Variants in SLC49A4 observed in about 807,000 individuals in gnomAD.
The protein encoded by SLC49A4 is disrupted in renal cancer protein 2.
Under a neutral mutation model 50.6 loss-of-function variants are expected in SLC49A4, and 36 were observed. The ratio of observed to expected loss-of-function variants is 0.71; its 90% CI spans 0.55 to 0.94. The LOEUF is 0.94. Among genes scored for constraint, SLC49A4 ranks in the 40% least tolerant of loss-of-function variants. The pLI is 0.00. For missense variants in SLC49A4, 503 were observed against 605.7 expected (o/e 0.83, Z 1.78); for synonymous variants, 248 against 241.2 (o/e 1.03, Z -0.26).
At chr3:122,804,090 G>A (rs1936174731) in intron 1 of SLC49A4, among the ~76,000 whole-genome samples, 4 of 152,102 alleles carry the variant, frequency 2.6e-5, no homozygotes, top group Admixed American at 2.0e-4. Context: ...ATGGTTCTGC[G>A]GGTTTTACAG....
At chr3:122,863,982 A>G (rs1937085773) in intron 7 of SLC49A4, among the ~76,000 whole-genome samples, 1 of 152,030 alleles carries the variant, frequency 6.6e-6, no homozygotes, top group Non-Finnish European at 1.5e-5. Context: ...TCCATTTCCC[A>G]GGTTCAAGTG....
chr3:122,813,240 CAAAA>C (rs71621692), intron 2 of SLC49A4, among the ~76,000 whole-genome samples: 1 of 85,264 alleles, frequency 1.2e-5, no homozygotes. Context: ...GACTCTGTCT[CAAAA>C]AAAAAAAAAA....
chr3:122,875,682 A>C (rs1298656348), intron 8 of SLC49A4, among the ~76,000 whole-genome samples: 1 of 152,090 alleles, frequency 6.6e-6, no homozygotes, highest in Admixed American at 6.5e-5. Context: ...CATCATAAAG[A>C]TCTGTGGTTT....
chr3:122,805,990 G>T (rs1468300249), intron 1 of SLC49A4, among the ~76,000 whole-genome samples: 1 of 152,110 alleles, frequency 6.6e-6, no homozygotes, highest in Non-Finnish European at 1.5e-5. Context: ...AATAAAGACT[G>T]TGATTATATT....
chr3:122,798,471 A>C (rs1237856538), intron 1 of SLC49A4, among the ~76,000 whole-genome samples: 1 of 152,028 alleles, frequency 6.6e-6, no homozygotes, highest in Admixed American at 6.6e-5. Flanking sequence ...TGAAGCAATA[A>C]AAAATACATT....
At chr3:122,835,154 C>A (rs548096593) in intron 4 of SLC49A4, among the ~76,000 whole-genome samples, 4 of 152,226 alleles carry the variant, frequency 2.6e-5, no homozygotes, top group African/African-American at 9.6e-5. Context: ...TATACCAATC[C>A]TACTGAAACT....
At chr3:122,835,874 A>G (rs1199518101) in intron 4 of SLC49A4, among the ~76,000 whole-genome samples, 2 of 152,064 alleles carry the variant, frequency 1.3e-5, no homozygotes, top group African/African-American at 4.8e-5. Context: ...CTTCCAAAAG[A>G]CTCCTAGATT....
intron 7 of SLC49A4, among the ~76,000 whole-genome samples, chr3:122,860,816 AAAC>A (rs1263024223): frequency 2.0e-5 from 3 of 152,094 alleles, no homozygotes; most frequent in African/African-American, 7.2e-5. Flanking sequence ...TAGCAACTTA[AAAC>A]AACAGAAATT....
intron 5 of SLC49A4, among the ~76,000 whole-genome samples, chr3:122,855,294 C>T (rs559224033): frequency 3.2e-4 from 48 of 151,978 alleles, no homozygotes; most frequent in African/African-American, 1.1e-3. Context: ...AAATAGATTG[C>T]GAAGACCATT....
intron 2 of SLC49A4, among the ~76,000 whole-genome samples, chr3:122,819,848 A>T (rs1576295345): frequency 6.6e-6 from 1 of 151,092 alleles, no homozygotes. Context: ...TTTTTTTTTT[A>T]AAGAATATGA....
At chr3:122,868,200 G>T (rs1937145181) in intron 7 of SLC49A4, among the ~76,000 whole-genome samples, 1 of 152,080 alleles carries the variant, frequency 6.6e-6, no homozygotes, top group Non-Finnish European at 1.5e-5. Context: ...GGGTGGGGAG[G>T]AGTATTTTCA....
chr3:122,829,351 TGAA>T (rs1349872615), intron 3 of SLC49A4, among the ~76,000 whole-genome samples: 1 of 152,182 alleles, frequency 6.6e-6, no homozygotes, highest in Non-Finnish European at 1.5e-5. Context: ...TCTTAAAAGA[TGAA>T]GAAAAAGCAT....
In SLC49A4 at chr3:122,795,175, C is replaced by T. The variant is rs2107551386; in HGVS notation, c.-18C>T. ...CCCGGACTGCGCCCGGCAGTGGCTTCGCGGGCGACGCGTCGCCATGGGCTC... is the reference window on the plus strand; with the variant it reads ...CCCGGACTGCGCCCGGCAGTGGCTTTGCGGGCGACGCGTCGCCATGGGCTC... On this transcript the variant is annotated 5_prime_UTR_variant, in exon 1 of 9. Transcript: ENST00000261038. 5 of 1,314,918 alleles carry T rather than the reference C, an allele frequency of 3.8e-6. No homozygotes were observed. The highest frequency in any genetic ancestry group is 1.5e-5 in the African/African-American group (1 of 64,666). 81.5% of individuals were successfully genotyped at this position (1,314,918 alleles called of 1,614,324 possible). A position where few individuals can be genotyped will look rare whatever the true frequency, so the allele number is the denominator to read the frequency against.
chr3:122,816,035 A>G (rs1328860022), intron 2 of SLC49A4, among the ~76,000 whole-genome samples: 1 of 151,976 alleles, frequency 6.6e-6, no homozygotes, highest in Non-Finnish European at 1.5e-5. Context: ...TGGTTCTTAT[A>G]CCTGTTGAAT....
At chr3:122,807,116 T>A (rs1398376377) in intron 2 of SLC49A4, among the ~76,000 whole-genome samples, 166 bp downstream of exon 2, 1 of 152,088 alleles carries the variant, frequency 6.6e-6, no homozygotes, top group Non-Finnish European at 1.5e-5. Flanking sequence ...ACACTAGTTG[T>A]TGTGGAAATA....
At chr3:122,811,106 T>C (rs1280454380) in intron 2 of SLC49A4, among the ~76,000 whole-genome samples, 1 of 152,234 alleles carries the variant, frequency 6.6e-6, no homozygotes, top group African/African-American at 2.4e-5. Flanking sequence ...ATCTTTATGA[T>C]TGAATATACT....
At chr3:122,866,741 T>G (rs1166226138) in intron 7 of SLC49A4, among the ~76,000 whole-genome samples, 2 of 152,048 alleles carry the variant, frequency 1.3e-5, no homozygotes, top group Non-Finnish European at 2.9e-5. Context: ...TTAGGACCAT[T>G]CCTCATCGGA....
chr3:122,842,441 G>C (rs71330914), intron 4 of SLC49A4, among the ~76,000 whole-genome samples: 7 of 136,026 alleles, frequency 5.1e-5, no homozygotes, highest in East Asian at 2.1e-4. Flanking sequence ...AGCCGAGATC[G>C]CGCCACTGCA....
At chr3:122,839,228 A>T (rs1936734301) in intron 4 of SLC49A4, among the ~76,000 whole-genome samples, 1 of 152,178 alleles carries the variant, frequency 6.6e-6, no homozygotes, top group Non-Finnish European at 1.5e-5. Context: ...CTCTCACCTT[A>T]TACAAAAATA....
Sources: allele counts gnomAD v4.1 joint callset (sites outside exome capture counted in the v4.1 genomes callset), GRCh38; gene constraint gnomAD v4.1.1; transcripts MANE v1.5; gene names NCBI Gene and HGNC (gene_info 2026-07-23, HGNC 2026-07-21).